Variants in RDX observed in about 807,000 individuals in gnomAD.
The protein encoded by RDX is deafness, autosomal recessive 24.
RDX carries 32 observed loss-of-function variants against 83.7 expected under a neutral mutation model. The ratio of observed to expected loss-of-function variants is 0.38; its 90% CI spans 0.29 to 0.51. RDX has a LOEUF of 0.51. Ranked by LOEUF, RDX falls within the 20% of genes least tolerant of loss-of-function variation. RDX has a pLI of 0.87. For synonymous variants in RDX, 229 were observed against 222.7 expected (o/e 1.03, Z -0.25); for missense variants, 600 against 689.9 (o/e 0.87, Z 1.46).
At chr11:110,290,301 G>C (rs1456790017) in intron 1 of RDX, among the ~76,000 whole-genome samples, 1 of 152,198 alleles carries the variant, frequency 6.6e-6, no homozygotes, top group East Asian at 1.9e-4. Flanking sequence ...GAGGCGGGAG[G>C]ATCACTTGAA....
chr11:110,282,747 C>T (rs928788115), intron 1 of RDX, among the ~76,000 whole-genome samples: 3 of 152,088 alleles, frequency 2.0e-5, no homozygotes, highest in East Asian at 1.9e-4. Context: ...GGGAGGCCAA[C>T]GCAGGAGGAT....
Position 110,232,037 on chromosome 11 carries a change from T to A in RDX, c.1588-4A>T. On this transcript the variant is annotated splice_region_variant and splice_polypyrimidine_tract_variant and intron_variant, in intron 13 of 13. Coordinates refer to ENST00000645495, the MANE Select transcript of RDX (RefSeq NM_002906.4). ...GGGCTAATTCTGAACTTAATGCCTATTTAAAAAATAAAAAGTACAACTATT... is the reference window on the plus strand; with the variant it reads ...GGGCTAATTCTGAACTTAATGCCTAATTAAAAAATAAAAAGTACAACTATT... The A allele has an allele frequency of 6.2e-7, 1 of 1,607,396 alleles. No homozygotes were observed. Among genetic ancestry groups the A allele is most frequent in the Non-Finnish European group, 8.5e-7 (1 of 1,174,806 alleles).
intron 2 of RDX, among the ~76,000 whole-genome samples, chr11:110,275,547 A>T (rs1224776540): frequency 6.6e-6 from 1 of 152,162 alleles, no homozygotes; most frequent in Non-Finnish European, 1.5e-5. Flanking sequence ...TCATCTGCGA[A>T]TGTTCACGCA....
intron 15 of RDX, among the ~76,000 whole-genome samples, chr11:110,184,255 G>C (rs930621073): frequency 2.0e-5 from 3 of 152,204 alleles, no homozygotes; most frequent in African/African-American, 7.2e-5. Flanking sequence ...TTGTAGCCAA[G>C]AGAACTCGCT....
chr11:110,266,879 C>T (rs567315248), intron 3 of RDX, among the ~76,000 whole-genome samples: 9 of 144,940 alleles, frequency 6.2e-5, no homozygotes, highest in South Asian at 2.2e-4. Flanking sequence ...CAAGCCACTG[C>T]GCTTGGCCCT....
At chr11:110,263,856 A>G (rs1262796367) in intron 5 of RDX, 104 bp downstream of exon 5, 3 of 1,032,404 alleles carry the variant, frequency 2.9e-6, no homozygotes, top group Non-Finnish European at 4.3e-6. Flanking sequence ...TGACAGGTCC[A>G]GACCCTGTCT....
intron 3 of RDX, among the ~76,000 whole-genome samples, chr11:110,266,350 A>G (rs1331648634): frequency 2.6e-5 from 4 of 152,016 alleles, no homozygotes; most frequent in Non-Finnish European, 5.9e-5. Context: ...AAAAGAAAAT[A>G]AAGTAAGAGT....
intron 10 of RDX, among the ~76,000 whole-genome samples, chr11:110,238,993 T>C (rs1305495066): frequency 6.6e-6 from 1 of 151,446 alleles, no homozygotes; most frequent in Non-Finnish European, 1.5e-5. Context: ...AATGACTCTT[T>C]GGTTAGGCTT....
intron 14 of RDX, among the ~76,000 whole-genome samples, chr11:110,211,736 T>C (rs1863845949): frequency 6.8e-6 from 1 of 147,874 alleles, no homozygotes; most frequent in African/African-American, 2.5e-5. Flanking sequence ...GAATGACTAC[T>C]GGGTACATAA....
rs1864850374 is a variant in RDX at position 110,236,351 on chromosome 11, A to T, written c.1252-160T>A. ...TTAAGATCTTAAATAGCTTATTTAC[A>T]ATAAGTCCTTTAGGTAATGAGCTAA... On this transcript the variant is annotated intron_variant, in intron 11 of 13. Coordinates refer to ENST00000645495, the MANE Select transcript of RDX (RefSeq NM_002906.4). 4.9e-6 allele frequency: 3 copies of T among 614,158 alleles called. No homozygotes were observed. The South Asian group carries it at 6.1e-5, about 12-fold the overall frequency. 38.0% of individuals were successfully genotyped at this position (614,158 alleles called of 1,614,324 possible).
chr11:110,262,566 CA>C (rs1197848101), intron 5 of RDX, among the ~76,000 whole-genome samples: 1 of 147,140 alleles, frequency 6.8e-6, no homozygotes, highest in Non-Finnish European at 1.5e-5. Flanking sequence ...CCAGCCTGGG[CA>C]ACAGAGCAAG....
At chr11:110,255,223 G>C (rs1462077125) in intron 8 of RDX, 66 bp downstream of exon 8, 2 of 845,172 alleles carry the variant, frequency 2.4e-6, no homozygotes, top group East Asian at 5.2e-5. Flanking sequence ...TATTCTTCAA[G>C]TGATATCATG....
At chr11:110,189,185 C>T (rs762812808) in intron 15 of RDX, among the ~76,000 whole-genome samples, 9 of 126,388 alleles carry the variant, frequency 7.1e-5, no homozygotes, top group Middle Eastern at 0.01. Flanking sequence ...GGAAAATAAA[C>T]GAGAGCAGGA....
intron 14 of RDX, among the ~76,000 whole-genome samples, chr11:110,223,610 A>G (rs1690014361): frequency 6.6e-6 from 1 of 152,188 alleles, no homozygotes; most frequent in South Asian, 2.1e-4. Context: ...ATCTACCTGT[A>G]TTTGAAAACC....
At chr11:110,192,434 C>A (rs1414046580) in intron 15 of RDX, among the ~76,000 whole-genome samples, 1 of 152,142 alleles carries the variant, frequency 6.6e-6, no homozygotes, top group Non-Finnish European at 1.5e-5. Flanking sequence ...TATAAAAATT[C>A]TAGAAGAAAA....
rs577151183 is a variant in RDX at position 110,295,403 on chromosome 11, T to C, written c.-65+1064A>G. Among the ~76,000 whole-genome samples, 13 of 152,082 alleles carry C rather than the reference T, an allele frequency of 8.5e-5. No individual in the cohort carries two copies. In the East Asian group the frequency reaches 2.5e-3, roughly 29 times the overall value. On this transcript the variant is annotated intron_variant, in intron 1 of 13. Coordinates refer to ENST00000645495, the MANE Select transcript of RDX (RefSeq NM_002906.4). ...TTTATCAAATAAACCCTTATTATCT[T>C]AGACTTTTATATTTACATCCTGCCA...
intron 15 of RDX, among the ~76,000 whole-genome samples, chr11:110,181,469 C>T (rs1447787540): frequency 1.3e-5 from 2 of 152,132 alleles, no homozygotes; most frequent in East Asian, 1.9e-4. Context: ...GCCAGGGCTG[C>T]ATCTTAATGC....
At chr11:110,288,329 G>A (rs1861070401) in intron 1 of RDX, 8 of 152,154 alleles carry the variant, frequency 5.3e-5, no homozygotes, top group Admixed American at 5.2e-4. Flanking sequence ...TACCTGTATT[G>A]TTCCTAAGGT....
chr11:110,236,245 A>G (rs751676267), intron 11 of RDX, 54 bp from the exon 12 acceptor site: 130 of 1,387,562 alleles, frequency 9.4e-5, no homozygotes, highest in Middle Eastern at 9.1e-4. Context: ...GAATAATCTT[A>G]TAAGTCAACA....
Sources: allele counts gnomAD v4.1 joint callset (sites outside exome capture counted in the v4.1 genomes callset), GRCh38; gene constraint gnomAD v4.1.1; transcripts MANE v1.5; gene names NCBI Gene and HGNC (gene_info 2026-07-23, HGNC 2026-07-21).